Variants in PTPN9 observed in about 807,000 individuals in gnomAD.
PTPN9 encodes the protein protein tyrosine phosphatase non-receptor type 9.
PTPN9 carries 26 observed loss-of-function variants against 69.8 expected under a neutral mutation model. The ratio of observed to expected loss-of-function variants is 0.37; its 90% confidence interval spans 0.27 to 0.52. The LOEUF (loss-of-function observed/expected upper bound fraction) is 0.52. Among genes scored for constraint, PTPN9 ranks in the 20% least tolerant of loss-of-function variants. The pLI, the probability that PTPN9 is intolerant of heterozygous loss-of-function variation, is 0.91. For missense variants in PTPN9, 549 were observed against 740.3 expected, an observed-to-expected ratio of 0.74 and a Z score of 3.00; for synonymous variants, 274 against 272.5, an observed-to-expected ratio of 1.01 and a Z score of -0.05.
chr15:75,470,649 A>G (rs767785996), intron 11 of PTPN9, 31 bp downstream of exon 11: 5 of 1,603,530 alleles, frequency 3.1e-6, no homozygotes, highest in South Asian at 1.1e-5. Flanking sequence ...CCCTGTTTCA[A>G]CAAGGTGAGA....
In PTPN9 at chr15:75,467,465, GACAA is replaced by G. The variant is rs1212857829; in HGVS notation, c.*1300_*1303del. ...GCAGGGACAGGTTGGGTGGGTAGGG[GACAA>G]ACAGTGATTGCAGGGGACCACCTCA... On this transcript the variant is annotated 3_prime_UTR_variant, in exon 13 of 13. Transcript: ENST00000618819. The G allele has an allele frequency of 6.6e-6, 1 of 152,494 alleles. No individual in the cohort carries two copies. The highest frequency in any genetic ancestry group is 1.5e-5 in the Non-Finnish European group (1 of 68,078). 9.4% of individuals were successfully genotyped at this position (152,494 alleles called of 1,614,324 possible).
chr15:75,504,866 A>C (rs1218436790), intron 7 of PTPN9, among the ~76,000 whole-genome samples: 3 of 121,314 alleles, frequency 2.5e-5, no homozygotes, highest in South Asian at 5.9e-4. Context: ...CTGGCCAGCC[A>C]CCCCGTCCGG....
At chr15:75,478,039 C>T (rs1317812448) in intron 9 of PTPN9, among the ~76,000 whole-genome samples, 1 of 151,996 alleles carries the variant, frequency 6.6e-6, no homozygotes, top group Non-Finnish European at 1.5e-5. Context: ...CGGTGTTTCA[C>T]CATATTGGCC....
intron 1 of PTPN9, among the ~76,000 whole-genome samples, chr15:75,577,651 A>G (rs2075179500): frequency 6.6e-6 from 1 of 152,232 alleles, no homozygotes; most frequent in Non-Finnish European, 1.5e-5. Flanking sequence ...AGTTTGTAAA[A>G]CTGGACTGTC....
chr15:75,490,747 C>T (rs1342172950), intron 7 of PTPN9, among the ~76,000 whole-genome samples: 1 of 152,152 alleles, frequency 6.6e-6, no homozygotes, highest in Non-Finnish European at 1.5e-5. Flanking sequence ...GCTTCAGCCT[C>T]CTGAGTAGCT....
At position 75,468,170 on chromosome 15, in the gene PTPN9, T is replaced by C. The variant is rs1413308758; in HGVS notation, c.*599A>G. The C allele has an allele frequency of 6.5e-6, 1 of 152,848 alleles. No homozygotes were observed. The allele number at this position is 152,848 out of a possible 1,614,324, so 9.5% of individuals were successfully genotyped here. On this transcript the variant is annotated 3_prime_UTR_variant, in exon 13 of 13. Coordinates refer to ENST00000618819, the MANE Select transcript of PTPN9 (RefSeq NM_002833.4). Reference sequence around the variant, plus strand: ...GGAGTATCGTGTGTATATGTATTTATAGAATACGATCATATTATCACATAC... The same window carrying C: ...GGAGTATCGTGTGTATATGTATTTACAGAATACGATCATATTATCACATAC...
chr15:75,531,532 C>G (rs969455958), intron 1 of PTPN9, among the ~76,000 whole-genome samples: 1 of 151,846 alleles, frequency 6.6e-6, no homozygotes, highest in African/African-American at 2.4e-5. Context: ...TCTAGCCAGT[C>G]AGTAAATTCC....
chr15:75,568,841 T>G (rs986707800), intron 1 of PTPN9, among the ~76,000 whole-genome samples: 1 of 151,994 alleles, frequency 6.6e-6, no homozygotes, highest in Non-Finnish European at 1.5e-5. Flanking sequence ...TGTCTCTTAC[T>G]AAAAAAATTT....
intron 3 of PTPN9, 122 bp downstream of exon 3, chr15:75,524,087 C>G: frequency 2.5e-6 from 1 of 394,868 alleles, no homozygotes; most frequent in Non-Finnish European, 4.3e-6. Flanking sequence ...CACATGTACC[C>G]TAAAACTTAA....
chr15:75,503,596 G>A (rs2074789506), intron 7 of PTPN9, among the ~76,000 whole-genome samples: 1 of 131,914 alleles, frequency 7.6e-6, no homozygotes, highest in Non-Finnish European at 1.7e-5. Context: ...AGGGAGGTGG[G>A]GGGGTCAGCC....
intron 9 of PTPN9, among the ~76,000 whole-genome samples, chr15:75,477,997 C>A (rs2074606325): frequency 6.6e-6 from 1 of 151,988 alleles, no homozygotes; most frequent in Non-Finnish European, 1.5e-5. Flanking sequence ...CCCACCACCA[C>A]ACCTAGCTAA....
chr15:75,510,260 G>GT (rs1446822592), intron 5 of PTPN9, among the ~76,000 whole-genome samples: 5 of 151,982 alleles, frequency 3.3e-5, no homozygotes, highest in Non-Finnish European at 7.4e-5. Context: ...GTTTTGTATT[G>GT]TTTTTGAGAC....
chr15:75,564,117 C>G (rs1478316213), intron 1 of PTPN9, among the ~76,000 whole-genome samples: 1 of 150,884 alleles, frequency 6.6e-6, no homozygotes, highest in Admixed American at 6.6e-5. Flanking sequence ...CTCACTTTGT[C>G]ACCCAGGCTG....
intron 1 of PTPN9, among the ~76,000 whole-genome samples, chr15:75,566,179 A>G (rs922887068): frequency 3.0e-4 from 46 of 152,208 alleles, no homozygotes; most frequent in African/African-American, 1.1e-3. Context: ...CGAGAGCCAC[A>G]AAGGAAGCTG....
At chr15:75,489,789 T>G (rs1384314821) in intron 8 of PTPN9, among the ~76,000 whole-genome samples, 1 of 152,228 alleles carries the variant, frequency 6.6e-6, no homozygotes, top group African/African-American at 2.4e-5. Flanking sequence ...TATGTATACA[T>G]AAGTTGTCCA....
intron 7 of PTPN9, among the ~76,000 whole-genome samples, chr15:75,500,645 C>T (rs1249484817): frequency 1.3e-5 from 2 of 151,924 alleles, no homozygotes; most frequent in African/African-American, 4.8e-5. Context: ...AATTCCAGCA[C>T]TTTGGAAGGC....
intron 3 of PTPN9, among the ~76,000 whole-genome samples, chr15:75,523,483 CT>C (rs2074914088): frequency 6.6e-6 from 1 of 152,172 alleles, no homozygotes; most frequent in Non-Finnish European, 1.5e-5. Context: ...ATTCTCTTTG[CT>C]CTTCAACTAC....
intron 4 of PTPN9, 120 bp downstream of exon 4, chr15:75,523,001 T>C: frequency 8.4e-7 from 1 of 1,193,670 alleles, no homozygotes; most frequent in Non-Finnish European, 1.2e-6. Context: ...TTTCTATTCA[T>C]AGCATTGCCC....
intron 8 of PTPN9, among the ~76,000 whole-genome samples, chr15:75,487,988 ATTACT>A (rs1408057955): frequency 6.6e-6 from 1 of 152,234 alleles, no homozygotes; most frequent in South Asian, 2.1e-4. Context: ...CACTATTTAA[ATTACT>A]TTACTTTGCC....
Sources: allele counts gnomAD v4.1 joint callset (sites outside exome capture counted in the v4.1 genomes callset), GRCh38; gene constraint gnomAD v4.1.1; transcripts MANE v1.5; gene names NCBI Gene and HGNC (gene_info 2026-07-23, HGNC 2026-07-21).